The following WWOX variants were observed in gnomAD, a reference collection of about 807,000 sequenced individuals.
WWOX encodes WW domain-containing oxidoreductase.
Under a neutral mutation model 46.2 loss-of-function variants are expected in WWOX, and 69 were observed. That is an observed-to-expected ratio of 1.49 (90% CI 1.23 to 1.82). The LOEUF (loss-of-function observed/expected upper bound fraction) is 1.82, where lower values mean the gene tolerates loss of function less well. WWOX is among the 40% of genes most tolerant of loss of function. The pLI, the probability that WWOX is intolerant of heterozygous loss-of-function variation, is 0.00. For missense variants in WWOX, 919 were observed against 542.6 expected (o/e 1.69, Z -6.89); for synonymous variants, 359 against 202.6 (o/e 1.77, Z -6.56).
intron 8 of WWOX, among the ~76,000 whole-genome samples, chr16:78,668,667 A>G (rs557149517): frequency 1.3e-5 from 2 of 152,182 alleles, no homozygotes; most frequent in Non-Finnish European, 2.9e-5. Flanking sequence ...AGGAAGCTTT[A>G]CCCCTGAGAA....
At chr16:78,276,782 G>C (rs1305596002) in intron 5 of WWOX, among the ~76,000 whole-genome samples, 1 of 152,124 alleles carries the variant, frequency 6.6e-6, no homozygotes, top group Non-Finnish European at 1.5e-5. Context: ...ACGGGGGCTA[G>C]GATATTTACT....
intron 8 of WWOX, among the ~76,000 whole-genome samples, chr16:78,491,803 A>C (rs906831388): frequency 6.6e-6 from 1 of 152,184 alleles, no homozygotes; most frequent in Admixed American, 6.5e-5. Flanking sequence ...AGTCATTTTA[A>C]ATAACTATCA....
chr16:79,130,946 G>T (rs1229463896), intron 8 of WWOX, among the ~76,000 whole-genome samples: 1 of 152,166 alleles, frequency 6.6e-6, no homozygotes, highest in Non-Finnish European at 1.5e-5. Flanking sequence ...CTGCATTGTT[G>T]GCCATAAGTG....
chr16:79,089,685 TAGAGA>T lies in WWOX; in HGVS notation c.1057-121921_1057-121917del, dbSNP rs369708242. Reference sequence around the variant, plus strand: ...GAATGACTTCTTCGAATTGGTGCACTAGAGAAATGTTTTCCAGTCGCCTAAGCGTT... The same window carrying T: ...GAATGACTTCTTCGAATTGGTGCACTAATGTTTTCCAGTCGCCTAAGCGTT... On this transcript the variant is annotated intron_variant, in intron 8 of 8. Coordinates refer to ENST00000566780, the MANE Select transcript of WWOX (RefSeq NM_016373.4). 6.6e-5 allele frequency among the ~76,000 whole-genome samples: 10 copies of T among 152,204 alleles called. No homozygotes were observed. In the East Asian group the frequency reaches 1.7e-3, roughly 26 times the overall value.
intron 8 of WWOX, among the ~76,000 whole-genome samples, chr16:79,010,335 A>G (rs2047278949): frequency 6.6e-6 from 1 of 152,108 alleles, no homozygotes; most frequent in South Asian, 2.1e-4. Flanking sequence ...CAGGCGACAG[A>G]TGGGACCAGG....
At chr16:78,342,101 A>G (rs35290624) in intron 5 of WWOX, among the ~76,000 whole-genome samples, 27,244 of 120,204 alleles carry the variant, frequency 0.23, 8,754 homozygotes, top group African/African-American at 0.38. Context: ...AGGCAGCAGA[A>G]TGAGACTATG....
At chr16:78,980,724 T>C (rs1220968423) in intron 8 of WWOX, among the ~76,000 whole-genome samples, 1 of 152,138 alleles carries the variant, frequency 6.6e-6, no homozygotes, top group Non-Finnish European at 1.5e-5. Flanking sequence ...AGCTCCATTC[T>C]CCCAAGGAGA....
rs996812332 is a variant in WWOX at position 78,312,875 on chromosome 16, G to A, written c.517-73985G>A. On this transcript the variant is annotated intron_variant, in intron 5 of 8. Coordinates refer to ENST00000566780, the MANE Select transcript of WWOX (RefSeq NM_016373.4). ...CAGCCTCCGAGGTGGTAGCACGCAGGGCCTCACTTCCCACTGCCTCTGTCT... is the reference window on the plus strand; with the variant it reads ...CAGCCTCCGAGGTGGTAGCACGCAGAGCCTCACTTCCCACTGCCTCTGTCT... Among the ~76,000 whole-genome samples the A allele has an allele frequency of 1.3e-4, 20 of 152,256 alleles. 1 individual carries two copies. The highest frequency in any genetic ancestry group is 4.6e-4 in the African/African-American group (19 of 41,534).
At chr16:78,389,456 G>A (rs2082132204) in intron 6 of WWOX, among the ~76,000 whole-genome samples, 1 of 152,188 alleles carries the variant, frequency 6.6e-6, no homozygotes, top group Admixed American at 6.5e-5. Flanking sequence ...TCATCTGTCT[G>A]TGGTTGTTTG....
chr16:79,074,893 G>A lies in WWOX; in HGVS notation c.1057-136715G>A, dbSNP rs200899909. Among the ~76,000 whole-genome samples, 864 of 144,534 alleles carry A rather than the reference G, an allele frequency of 6.0e-3. 12 individuals carry two copies. The highest frequency in any genetic ancestry group is 0.022 in the African/African-American group (832 of 38,398). The allele number at this position is 144,534 out of a possible 152,430, so 94.8% of individuals were successfully genotyped here. On this transcript the variant is annotated intron_variant, in intron 8 of 8. Coordinates refer to ENST00000566780, the MANE Select transcript of WWOX (RefSeq NM_016373.4). ...TAGATACAGAACCTTTAAAAAAAAAGAAAAATAAACGTTTTGCCAAAGTGT... is the reference window on the plus strand; with the variant it reads ...TAGATACAGAACCTTTAAAAAAAAAAAAAAATAAACGTTTTGCCAAAGTGT...
chr16:78,782,845 A>G (rs1219985553), intron 8 of WWOX, among the ~76,000 whole-genome samples: 1 of 152,176 alleles, frequency 6.6e-6, no homozygotes, highest in Non-Finnish European at 1.5e-5. Flanking sequence ...AAGAGTGCGA[A>G]GAACATTGTT....
chr16:78,928,928 A>G (rs2045560722), intron 8 of WWOX, among the ~76,000 whole-genome samples: 1 of 152,230 alleles, frequency 6.6e-6, no homozygotes, highest in Admixed American at 6.5e-5. Context: ...AACAACCAGA[A>G]GTGCCCCTTT....
chr16:78,351,155 G>T (rs1230717212), intron 5 of WWOX, among the ~76,000 whole-genome samples: 2 of 152,138 alleles, frequency 1.3e-5, no homozygotes, highest in Non-Finnish European at 2.9e-5. Context: ...AGTGCAGTGT[G>T]TGCTTTTAGG....
chr16:78,730,888 A>T (rs373956292), intron 8 of WWOX, among the ~76,000 whole-genome samples: 1 of 152,100 alleles, frequency 6.6e-6, no homozygotes, highest in East Asian at 1.9e-4. Context: ...GCCACAGGAG[A>T]TGCAGAAACT....
chr16:78,954,287 G>T (rs2046121377), intron 8 of WWOX, among the ~76,000 whole-genome samples: 1 of 152,016 alleles, frequency 6.6e-6, no homozygotes, highest in African/African-American at 2.4e-5. Flanking sequence ...GTGGAAGGAT[G>T]AATGGATGCA....
At chr16:78,956,795 A>T (rs1000697503) in intron 8 of WWOX, among the ~76,000 whole-genome samples, 1 of 152,172 alleles carries the variant, frequency 6.6e-6, no homozygotes, top group Non-Finnish European at 1.5e-5. Context: ...AGGGGAAACA[A>T]AGAGGGCAAC....
intron 8 of WWOX, among the ~76,000 whole-genome samples, chr16:78,836,058 C>T (rs1408802749): frequency 2.0e-5 from 3 of 152,152 alleles, no homozygotes; most frequent in Non-Finnish European, 4.4e-5. Context: ...TGTGTATTCA[C>T]ATTGTTCTAT....
Position 78,321,372 on chromosome 16 carries a change from G to GTA in WWOX, c.517-65482_517-65481dup, listed in dbSNP as rs71137885. On this transcript the variant is annotated intron_variant, in intron 5 of 8. Transcript: ENST00000566780. Reference sequence around the variant, plus strand: ...TACGTATATATGCGTATATATATACGTATATATGCGTATATATATACGTAT... The same window carrying GTA: ...TACGTATATATGCGTATATATATACGTATATATATGCGTATATATATACGTAT... Among the ~76,000 whole-genome samples, 246 of 43,530 alleles carry GTA rather than the reference G, an allele frequency of 5.7e-3. 12 individuals carry two copies. The highest frequency in any genetic ancestry group is 0.051 in the Middle Eastern group (4 of 78). 28.6% of individuals were successfully genotyped at this position (43,530 alleles called of 152,430 possible). A position where few individuals can be genotyped will look rare whatever the true frequency, so the allele number is the denominator to read the frequency against.
chr16:78,471,173 A>C (rs150213395), intron 8 of WWOX, among the ~76,000 whole-genome samples: 487 of 152,322 alleles, frequency 3.2e-3, no homozygotes, highest in Middle Eastern at 0.01. Flanking sequence ...ACGTTGCAGA[A>C]CACTGACCAA....
Sources: allele counts gnomAD v4.1 joint callset (sites outside exome capture counted in the v4.1 genomes callset), GRCh38; gene constraint gnomAD v4.1.1; transcripts MANE v1.5; gene names NCBI Gene and HGNC (gene_info 2026-07-23, HGNC 2026-07-21).